TEK: variants seen among roughly 807,000 people sequenced by gnomAD.
TEK encodes the protein angiopoietin-1 receptor.
In TEK, 43 loss-of-function variants were observed where a neutral mutation model predicts 131.8. The ratio of observed to expected loss-of-function variants is 0.33; its 90% CI spans 0.26 to 0.42. TEK has a LOEUF of 0.42. TEK is among the 10% of genes least tolerant of loss of function. The pLI is 1.00. For missense variants in TEK, 1,162 were observed against 1,384.4 expected, an observed-to-expected ratio of 0.84 and a Z score of 2.55; for synonymous variants, 580 against 491.6, an observed-to-expected ratio of 1.18 and a Z score of -2.38.
At chr9:27,175,364 CA>C (rs913952147) in intron 6 of TEK, among the ~76,000 whole-genome samples, 154 of 150,162 alleles carry the variant, frequency 1.0e-3, no homozygotes, top group African/African-American at 3.6e-3. Flanking sequence ...ATATGTGCCA[CA>C]TTTTCTTAAT....
At chr9:27,138,575 C>T (rs1405182426) in intron 1 of TEK, among the ~76,000 whole-genome samples, 2 of 152,210 alleles carry the variant, frequency 1.3e-5, no homozygotes, top group Non-Finnish European at 2.9e-5. Context: ...CTTCACCTCT[C>T]ACTTTTAAAA....
chr9:27,190,188 G>A (rs1824758984), intron 9 of TEK, among the ~76,000 whole-genome samples: 3 of 152,156 alleles, frequency 2.0e-5, no homozygotes, highest in African/African-American at 4.8e-5. Flanking sequence ...AGGGTACTAG[G>A]TGAGGGGAAG....
chr9:27,180,244 C>T lies in TEK; in HGVS notation c.906C>T (p.Cys302=), dbSNP rs773044536. 3.7e-6 allele frequency: 6 copies of T among 1,613,788 alleles called. No homozygotes were observed. Among genetic ancestry groups the T allele is most frequent in the South Asian group, 1.1e-5 (1 of 91,070 alleles). The change falls in exon 7 of 23, where the codon TGC becomes TGT. Residue 302 remains cysteine, a synonymous_variant. Coordinates refer to ENST00000380036, the MANE Select transcript of TEK (RefSeq NM_000459.5). ...GWKGLQCNEA[C]HPGFYGPDCK... is the part of the protein sequence containing the mutation. ...TTTTGATGTCTCTGTTTACAGCATG[C>T]CACCCTGGTTTTTACGGGCCAGATT...
At position 27,206,799 on chromosome 9, in the gene TEK, G is replaced by A. The variant is rs1440599704; in HGVS notation, c.2575+7G>A. The A allele has an allele frequency of 5.6e-6, 9 of 1,613,192 alleles. No individual in the cohort carries two copies. The highest frequency in any genetic ancestry group is 7.6e-6 in the Non-Finnish European group (9 of 1,179,794). On this transcript the variant is annotated splice_region_variant and intron_variant, in intron 15 of 22. Coordinates refer to ENST00000380036, the MANE Select transcript of TEK (RefSeq NM_000459.5). ...GCCATCAAAAGAATGAAAGGTCAGT[G>A]GTTGACCAGATAGAGTCAGCATTGC...
chr9:27,218,627 A>G (rs1287564771), intron 19 of TEK, 150 bp from the exon 20 acceptor site: 5 of 776,698 alleles, frequency 6.4e-6, no homozygotes, highest in African/African-American at 1.7e-5. Flanking sequence ...GAGGAGAGAA[A>G]CCTACACTGT....
At chr9:27,210,794 G>A (rs1181085799) in intron 16 of TEK, among the ~76,000 whole-genome samples, 1 of 152,032 alleles carries the variant, frequency 6.6e-6, no homozygotes, top group Non-Finnish European at 1.5e-5. Flanking sequence ...ATTTTGCTTC[G>A]TCATCACATT....
chr9:27,148,783 G>A (rs1030424573), intron 1 of TEK, among the ~76,000 whole-genome samples: 1 of 152,096 alleles, frequency 6.6e-6, no homozygotes, highest in Non-Finnish European at 1.5e-5. Context: ...TTGGTTCAAC[G>A]ACTTATGAAA....
At chr9:27,187,824 T>C (rs2131178277) in intron 9 of TEK, among the ~76,000 whole-genome samples, 1 of 152,252 alleles carries the variant, frequency 6.6e-6, no homozygotes, top group Non-Finnish European at 1.5e-5. Flanking sequence ...GTCTTCCCTT[T>C]GTACTTGTGT....
chr9:27,165,659 A>G (rs554444388), intron 2 of TEK, among the ~76,000 whole-genome samples: 1 of 152,304 alleles, frequency 6.6e-6, no homozygotes, highest in Admixed American at 6.5e-5. Context: ...ATTACTTTTC[A>G]ATTACACATG....
intron 1 of TEK, among the ~76,000 whole-genome samples, chr9:27,128,936 C>A (rs1822103521): frequency 6.6e-6 from 1 of 152,180 alleles, no homozygotes; most frequent in African/African-American, 2.4e-5. Context: ...GACAATTTGA[C>A]TTCCTCTTTT....
chr9:27,220,145 T>TGTAA lies in TEK; in HGVS notation c.3200+3_3200+6dup, dbSNP rs1306976588. On this transcript the variant is annotated stop_gained and frameshift_variant and splice_region_variant. Coordinates refer to ENST00000380036, the MANE Select transcript of TEK (RefSeq NM_000459.5). LOFTEE classifies it high-confidence loss of function. ...AAGCCCCTGAACTGTGATGATGAGG[T>TGTAA]GTAAGTCAGGCCTCATCCTGGGGCT... 5 of 1,613,476 alleles carry TGTAA rather than the reference T, an allele frequency of 3.1e-6. No homozygotes were observed. The highest frequency in any genetic ancestry group is 4.2e-6 in the Non-Finnish European group (5 of 1,179,796).
intron 9 of TEK, among the ~76,000 whole-genome samples, chr9:27,188,216 A>G (rs570547547): frequency 1.3e-5 from 2 of 152,330 alleles, no homozygotes; most frequent in East Asian, 1.9e-4. Flanking sequence ...TTGACTGGAA[A>G]AGGGCACACA....
At chr9:27,126,901 G>A (rs1408172159) in intron 1 of TEK, among the ~76,000 whole-genome samples, 2 of 152,128 alleles carry the variant, frequency 1.3e-5, no homozygotes, top group African/African-American at 4.8e-5. Flanking sequence ...CCCATTACAA[G>A]CAAGAGCCAA....
At chr9:27,174,281 A>T (rs1824080718) in intron 6 of TEK, among the ~76,000 whole-genome samples, 1 of 152,152 alleles carries the variant, frequency 6.6e-6, no homozygotes, top group Non-Finnish European at 1.5e-5. Context: ...AGCTTTTCCC[A>T]TATCCGGCAC....
intron 16 of TEK, among the ~76,000 whole-genome samples, chr9:27,212,353 A>G (rs966955349): frequency 4.6e-5 from 7 of 152,302 alleles, no homozygotes; most frequent in African/African-American, 1.4e-4. Flanking sequence ...AATGCAAATG[A>G]AAAGGTGACG....
At chr9:27,201,841 C>T (rs1414240094) in intron 12 of TEK, among the ~76,000 whole-genome samples, 2 of 152,282 alleles carry the variant, frequency 1.3e-5, no homozygotes, top group Non-Finnish European at 2.9e-5. Context: ...CAAGTACAAA[C>T]CCCTTAAACT....
chr9:27,189,730 G>T (rs768462731), intron 9 of TEK, among the ~76,000 whole-genome samples: 12 of 152,262 alleles, frequency 7.9e-5, no homozygotes, highest in Admixed American at 2.0e-4. Flanking sequence ...CAAGGAAACA[G>T]ATGGTCTCCT....
chr9:27,165,567 G>A (rs1339957065), intron 2 of TEK, among the ~76,000 whole-genome samples: 1 of 152,134 alleles, frequency 6.6e-6, no homozygotes, highest in East Asian at 1.9e-4. Context: ...GTTTATATTA[G>A]AAGGATACCG....
Position 27,183,630 on chromosome 9 carries a change from T to A in TEK, c.1182+20T>A. Reference sequence around the variant, plus strand: ...CTCCATGTAAGAGCCATTCTTAATTTGCCCTTCTTAAAGCATGAGATGCTT... The same window carrying A: ...CTCCATGTAAGAGCCATTCTTAATTAGCCCTTCTTAAAGCATGAGATGCTT... On this transcript the variant is annotated intron_variant, in intron 8 of 22. Coordinates refer to ENST00000380036, the MANE Select transcript of TEK (RefSeq NM_000459.5). The A allele has an allele frequency of 6.2e-7, 1 of 1,613,668 alleles. No homozygotes were observed. The highest frequency in any genetic ancestry group is 1.3e-5 in the African/African-American group (1 of 75,006).
Sources: gnomAD v4.1 joint callset for allele counts (sites outside exome capture counted in the v4.1 genomes callset) on GRCh38, gnomAD v4.1.1 for gene constraint, MANE v1.5 for transcripts, NCBI Gene and HGNC (gene_info 2026-07-23, HGNC 2026-07-21) for gene names.